The following MAP4K3 variants were observed in gnomAD, a reference collection of about 807,000 sequenced individuals.
The protein encoded by MAP4K3 is MAPK/ERK kinase kinase kinase 3.
A neutral mutation model predicts 143.5 loss-of-function variants in MAP4K3; 94 were observed. The ratio of observed to expected loss-of-function variants is 0.65; its 90% CI spans 0.55 to 0.78. MAP4K3 has a LOEUF of 0.78. Ranked by LOEUF, MAP4K3 falls within the 30% of genes least tolerant of loss-of-function variation. The pLI is 0.00. For missense variants in MAP4K3, 1,077 were observed against 1,068.1 expected (o/e 1.01, Z -0.12); for synonymous variants, 416 against 347.2 (o/e 1.20, Z -2.20).
chr2:39,350,023 A>G (rs1416390008), intron 3 of MAP4K3, among the ~76,000 whole-genome samples: 1 of 152,152 alleles, frequency 6.6e-6, no homozygotes, highest in East Asian at 1.9e-4. Flanking sequence ...AAGCCTGGAT[A>G]CATTTTTGGT....
intron 3 of MAP4K3, among the ~76,000 whole-genome samples, chr2:39,345,948 A>AAAAAAAAAGG (rs1665279120): frequency 6.7e-6 from 1 of 150,250 alleles, no homozygotes; most frequent in Admixed American, 6.6e-5. Flanking sequence ...AAAAAAAAAA[A>AAAAAAAAAGG]GAGTGAAGCC....
intron 24 of MAP4K3, among the ~76,000 whole-genome samples, chr2:39,274,343 A>G (rs1681161020): frequency 6.6e-6 from 1 of 151,340 alleles, no homozygotes; most frequent in Non-Finnish European, 1.5e-5. Flanking sequence ...CAGCCTCCCG[A>G]GTAGCTGGGA....
intron 1 of MAP4K3, among the ~76,000 whole-genome samples, chr2:39,388,003 C>T (rs900915922): frequency 1.3e-5 from 2 of 152,182 alleles, no homozygotes; most frequent in Non-Finnish European, 2.9e-5. Flanking sequence ...AGAGTACAGA[C>T]AGTTCCAACA....
At chr2:39,265,500 T>C (rs532630537) in intron 27 of MAP4K3, among the ~76,000 whole-genome samples, 194 bp from the exon 28 acceptor site, 9 of 152,344 alleles carry the variant, frequency 5.9e-5, no homozygotes, top group African/African-American at 1.9e-4. Flanking sequence ...GGAAATGCCC[T>C]CTTAACTTGC....
At chr2:39,339,761 T>C (rs1460995588) in intron 4 of MAP4K3, among the ~76,000 whole-genome samples, 2 of 152,018 alleles carry the variant, frequency 1.3e-5, no homozygotes, top group Non-Finnish European at 2.9e-5. Flanking sequence ...GGTTGAGCAT[T>C]CAAATATATA....
At chr2:39,420,750 T>A (rs1667523987) in intron 1 of MAP4K3, among the ~76,000 whole-genome samples, 1 of 152,140 alleles carries the variant, frequency 6.6e-6, no homozygotes. Context: ...GAGGAAGAAG[T>A]TAAGAGCTAT....
At chr2:39,319,938 G>A (rs899606934) in intron 12 of MAP4K3, among the ~76,000 whole-genome samples, 3 of 152,134 alleles carry the variant, frequency 2.0e-5, no homozygotes, top group African/African-American at 7.2e-5. Flanking sequence ...GAGTCTTGAT[G>A]AGTTTTTAAA....
rs1251233490 is a variant in MAP4K3 at position 39,408,480 on chromosome 2, T to C, written c.96+28412A>G. Among the ~76,000 whole-genome samples, 3 of 152,168 alleles carry C rather than the reference T, an allele frequency of 2.0e-5. 1 individual carries two copies. The highest frequency in any genetic ancestry group is 1.5e-5 in the Non-Finnish European group (1 of 68,030). On this transcript the variant is annotated intron_variant, in intron 1 of 33. Transcript: ENST00000263881. ...GTCATGAATGTCTGGAAGAATTTCA[T>C]CATTGAAGATATATTGCTGTTACAG...
chr2:39,261,120 C>T lies in MAP4K3; in HGVS notation c.2137-343G>A, dbSNP rs970812721. The T allele has an allele frequency of 2.1e-5, 4 of 189,362 alleles. No individual in the cohort carries two copies. In the South Asian group the frequency reaches 5.1e-4, roughly 24 times the overall value. 11.7% of individuals were successfully genotyped at this position (189,362 alleles called of 1,614,324 possible). A position where few individuals can be genotyped will look rare whatever the true frequency, so the allele number is the denominator to read the frequency against. On this transcript the variant is annotated intron_variant, in intron 28 of 33. Transcript: ENST00000263881. ...CTTTGTGGCAGAGTCTCCTGTCTCC[C>T]AATGTGATGCTTCTTCAGTTATACT...
In MAP4K3 at chr2:39,260,612, C is replaced by G. The variant is rs771606824; in HGVS notation, c.2302G>C (p.Glu768Gln). 6.2e-7 allele frequency: 1 copy of G among 1,613,826 alleles called. No homozygotes were observed. ...TTCCATAAAAATTACAAACCTGATT[C>G]TGTAAACCATGAAGAGGTAGAATTT... Reference protein sequence around the residue: ...NPNSTSSWFTESDTPQTNVTH... With the variant: ...NPNSTSSWFTQSDTPQTNVTH... The change falls in exon 29 of 34, where the codon GAA becomes CAA. Residue 768 changes from glutamate (E) to glutamine (Q), a missense_variant. Glu to Gln is a conservative substitution (Grantham distance 29). Transcript: ENST00000263881.
intron 17 of MAP4K3, among the ~76,000 whole-genome samples, 160 bp downstream of exon 17, chr2:39,293,070 T>C (rs749123735): frequency 4.6e-5 from 7 of 151,942 alleles, no homozygotes; most frequent in African/African-American, 1.7e-4. Flanking sequence ...TGAGCTATGA[T>C]CATACCACTG....
At chr2:39,252,407 AT>A (rs1456396023) in intron 32 of MAP4K3, among the ~76,000 whole-genome samples, 5 of 152,258 alleles carry the variant, frequency 3.3e-5, no homozygotes, top group African/African-American at 1.2e-4. Flanking sequence ...AAGATCTACC[AT>A]GCAGTAGAGC....
At chr2:39,274,807 T>A (rs1415963130) in intron 24 of MAP4K3, among the ~76,000 whole-genome samples, 1 of 152,216 alleles carries the variant, frequency 6.6e-6, no homozygotes, top group Non-Finnish European at 1.5e-5. Flanking sequence ...ATACTCCTTG[T>A]AAAGCACTTA....
intron 29 of MAP4K3, among the ~76,000 whole-genome samples, chr2:39,259,495 G>C (rs921041705): frequency 2.0e-5 from 3 of 152,110 alleles, no homozygotes; most frequent in Non-Finnish European, 2.9e-5. Context: ...AGGGCAACTG[G>C]AGTTGTGTAA....
chr2:39,433,629 A>G (rs1052977402), intron 1 of MAP4K3, among the ~76,000 whole-genome samples: 1 of 152,126 alleles, frequency 6.6e-6, no homozygotes, highest in Non-Finnish European at 1.5e-5. Context: ...ACCCATCTCC[A>G]CAGAAAAACA....
chr2:39,404,428 A>G (rs1325844006), intron 1 of MAP4K3, among the ~76,000 whole-genome samples: 1 of 152,084 alleles, frequency 6.6e-6, no homozygotes, highest in African/African-American at 2.4e-5. Flanking sequence ...AGTGAACATC[A>G]GCGGTAGCCT....
chr2:39,356,228 A>T (rs1160101686), intron 3 of MAP4K3, 21 bp downstream of exon 3: 1 of 1,446,110 alleles, frequency 6.9e-7, no homozygotes, highest in Non-Finnish European at 9.5e-7. Context: ...TTGCTTTTCA[A>T]AAGGGAAACA....
intron 2 of MAP4K3, among the ~76,000 whole-genome samples, chr2:39,371,987 A>T (rs1305779711): frequency 6.6e-6 from 1 of 151,512 alleles, no homozygotes; most frequent in Non-Finnish European, 1.5e-5. Flanking sequence ...ATTGCAAAGG[A>T]AGCAGTCAAA....
At position 39,436,947 on chromosome 2, in the gene MAP4K3, T is replaced by G. The variant is rs1665507564; in HGVS notation, c.41A>C (p.Glu14Ala). The change falls in exon 1 of 34, where the codon GAG (glutamate) becomes GCG (alanine). Residue 14 changes from glutamate (E) to alanine (A), a missense_variant. By Grantham distance (107) the Glu-to-Ala change is moderately radical (BLOSUM62 -1). This residue lies in a region of MAP4K3 where 213 missense variants were observed against 266.8 expected (regional missense o/e 0.80). Coordinates refer to ENST00000263881, the MANE Select transcript of MAP4K3 (RefSeq NM_003618.4). Reference sequence around the variant, plus strand: ...GATGCGCTGAATCAGCTCGAAGTCCTCCTGCGGGTTCCGGCGGGACAAATC... The same window carrying G: ...GATGCGCTGAATCAGCTCGAAGTCCGCCTGCGGGTTCCGGCGGGACAAATC... ...GFDLSRRNPQ[E>A]DFELIQRIGS... The G allele has an allele frequency of 1.2e-6, 2 of 1,612,592 alleles. No individual in the cohort carries two copies. The highest frequency in any genetic ancestry group is 1.7e-6 in the Non-Finnish European group (2 of 1,179,408).
Sources: allele counts gnomAD v4.1 joint callset (sites outside exome capture counted in the v4.1 genomes callset), GRCh38; gene constraint gnomAD v4.1.1; regional missense constraint gnomAD v4.1.1; transcripts MANE v1.5; gene names NCBI Gene and HGNC (gene_info 2026-07-23, HGNC 2026-07-21).